Variants in ANAPC11 observed in about 807,000 individuals in gnomAD.
ANAPC11 encodes the protein anaphase-promoting complex subunit 11.
Under a neutral mutation model 11.8 loss-of-function variants are expected in ANAPC11, and 5 were observed. The ratio of observed to expected loss-of-function variants is 0.42; its 90% confidence interval spans 0.22 to 0.89. ANAPC11 has a LOEUF of 0.89. Ranked by LOEUF, ANAPC11 falls within the 40% of genes least tolerant of loss-of-function variation. The pLI, the probability that ANAPC11 is intolerant of heterozygous loss-of-function variation, is 0.28. For missense variants in ANAPC11, 68 were observed against 112.9 expected (o/e 0.60, Z 1.80); for synonymous variants, 45 against 41.0 (o/e 1.10, Z -0.38).
intron 3 of ANAPC11, among the ~76,000 whole-genome samples, chr17:81,896,339 T>C (rs1198848684): frequency 2.0e-5 from 3 of 152,122 alleles, no homozygotes; most frequent in Admixed American, 1.3e-4. Context: ...AAAGAATCGC[T>C]TGAACCTGGG....
At chr17:81,892,449 A>G (rs1000144064) in intron 1 of ANAPC11, among the ~76,000 whole-genome samples, 45 of 151,238 alleles carry the variant, frequency 3.0e-4, no homozygotes, top group Admixed American at 2.8e-3. Context: ...AGCCTGGGCG[A>G]CAGAGCCAGA....
chr17:81,894,695 G>A (rs977374742), intron 3 of ANAPC11, 109 bp downstream of exon 3: 4 of 502,924 alleles, frequency 8.0e-6, no homozygotes, highest in African/African-American at 2.0e-5. Flanking sequence ...ATACCTGCAC[G>A]AAATACCCAG....
chr17:81,896,422 C>T (rs1303041384), intron 3 of ANAPC11, among the ~76,000 whole-genome samples: 4 of 149,406 alleles, frequency 2.7e-5, no homozygotes, highest in Non-Finnish European at 5.9e-5. Flanking sequence ...AACTCCATCT[C>T]AAAAAAAAAG....
chr17:81,895,078 G>C (rs554911289), intron 3 of ANAPC11, among the ~76,000 whole-genome samples: 172 of 121,234 alleles, frequency 1.4e-3, no homozygotes, highest in Non-Finnish European at 2.3e-3. Flanking sequence ...TTTTGAGATG[G>C]AGTTTCACTC....
downstream of ANAPC11, chr17:81,900,257 T>G (rs2039897837): frequency 3.6e-6 from 3 of 837,874 alleles, no homozygotes; most frequent in Non-Finnish European, 5.4e-6. Flanking sequence ...CAAATCTTGC[T>G]GGAGGCCTCT....
At chr17:81,897,290 C>T (rs888724760) in intron 3 of ANAPC11, among the ~76,000 whole-genome samples, 1 of 152,084 alleles carries the variant, frequency 6.6e-6, no homozygotes, top group Non-Finnish European at 1.5e-5. Context: ...TGAGCCACTG[C>T]GCCCAGCCCT....
upstream of ANAPC11, chr17:81,890,982 GCCGCACGGT>G: frequency 9.1e-7 from 1 of 1,098,522 alleles, no homozygotes; most frequent in Non-Finnish European, 1.3e-6. Context: ...CCAGCCCGAG[GCCGCACGGT>G]CCCACCGCGG....
At chr17:81,891,922 C>T (rs977146946) in intron 1 of ANAPC11, 81 bp downstream of exon 1, 2 of 177,814 alleles carry the variant, frequency 1.1e-5, no homozygotes, top group African/African-American at 4.8e-5. Flanking sequence ...CGCGCCCCTC[C>T]CTCCCCGCAC....
intron 3 of ANAPC11, 60 bp from the exon 4 acceptor site, chr17:81,899,860 G>A (rs1598305800): frequency 6.5e-7 from 1 of 1,542,818 alleles, no homozygotes; most frequent in East Asian, 2.3e-5. Flanking sequence ...TGCCTGGCTT[G>A]TCACATGCTC....
chr17:81,898,319 C>T (rs1447255349), intron 3 of ANAPC11: 2 of 152,260 alleles, frequency 1.3e-5, no homozygotes, highest in Non-Finnish European at 2.9e-5. Context: ...CCCCAAGTGA[C>T]TGCAGTGGTG....
At chr17:81,891,450 C>T, upstream of ANAPC11, 7 of 1,026,682 alleles carry the variant, frequency 6.8e-6, no homozygotes, top group Non-Finnish European at 8.1e-6. Context: ...ACCGCCGCGG[C>T]CGCCCTGGGA....
At chr17:81,894,435 T>G (rs1429509073) in intron 2 of ANAPC11, 32 bp from the exon 3 acceptor site, 1 of 1,375,512 alleles carries the variant, frequency 7.3e-7, no homozygotes, top group Non-Finnish European at 1.0e-6. Flanking sequence ...GCAGACTCAA[T>G]TTAGCCAGTC....
Position 81,899,917 on chromosome 17 carries a change from T to C in ANAPC11, c.110-3T>C. The stretch of plus-strand genomic sequence containing the variant: ...TGTCCTTTTCCCCACCTCCCCTCCG[T>C]AGGCAAGGTGCCCGGCGACGACTGC... On this transcript the variant is annotated splice_region_variant and splice_polypyrimidine_tract_variant and intron_variant, in intron 3 of 3. Coordinates refer to ENST00000344877, the MANE Select transcript of ANAPC11 (RefSeq NM_001002248.3). 1 of 1,606,848 alleles carries C rather than the reference T, an allele frequency of 6.2e-7. No individual in the cohort carries two copies. The highest frequency in any genetic ancestry group is 8.5e-7 in the Non-Finnish European group (1 of 1,175,222).
At position 81,894,555 on chromosome 17, in the gene ANAPC11, C is replaced by T; in HGVS notation, c.78C>T (p.Cys26=). The T allele has an allele frequency of 6.2e-7, 1 of 1,611,818 alleles. No individual in the cohort carries two copies. The highest frequency in any genetic ancestry group is 8.5e-7 in the Non-Finnish European group (1 of 1,178,552). The part of the protein sequence containing the change: ...WVANDENCGI[C]RMAFNGCCPD... ...CCAACGATGAGAACTGTGGCATCTGCAGGATGGCATTTAACGGATGCTGCC... is the reference window on the plus strand; with the variant it reads ...CCAACGATGAGAACTGTGGCATCTGTAGGATGGCATTTAACGGATGCTGCC... The change falls in exon 3 of 4, where the codon TGC becomes TGT. Residue 26 remains cysteine, a synonymous_variant. Transcript: ENST00000344877.
At chr17:81,896,798 CTTTTTTTTTTTTT>C (rs1156391578) in intron 3 of ANAPC11, among the ~76,000 whole-genome samples, 1 of 42,912 alleles carries the variant, frequency 2.3e-5, no homozygotes. Flanking sequence ...GCCTCCTTTG[CTTTTTTTTTTTTT>C]TTTTTTTTTT....
chr17:81,891,843 T>A lies in ANAPC11; in HGVS notation c.-75+2T>A. On this transcript the variant is annotated splice_donor_variant, in intron 1 of 3. Coordinates refer to ENST00000344877, the MANE Select transcript of ANAPC11 (RefSeq NM_001002248.3). LOFTEE classifies it low-confidence loss of function (5UTR_SPLICE). ...GCCAACGGAAGGGCGGGTAGGGCGG[T>A]GCGTGATTAGGTTGGCGAAGGTGCG... The A allele has an allele frequency of 1.4e-5, 3 of 208,332 alleles. No individual in the cohort carries two copies. In the South Asian group the frequency reaches 2.0e-4, roughly 14 times the overall value. The allele number at this position is 208,332 out of a possible 1,614,324, so 12.9% of individuals were successfully genotyped here. A position where few individuals can be genotyped will look rare whatever the true frequency, so the allele number is the denominator to read the frequency against.
chr17:81,893,812 G>T (rs1460980360), intron 2 of ANAPC11, among the ~76,000 whole-genome samples, 198 bp downstream of exon 2: 2 of 143,284 alleles, frequency 1.4e-5, no homozygotes, highest in Non-Finnish European at 3.0e-5. Context: ...ACACAGGCTG[G>T]TCTCAAACTC....
At position 81,899,263 on chromosome 17, in the gene ANAPC11, T is replaced by C. The variant is rs142854740; in HGVS notation, c.110-657T>C. The C allele has an allele frequency of 6.2e-6, 10 of 1,611,980 alleles. No individual in the cohort carries two copies. In the African/African-American group the frequency reaches 1.1e-4, roughly 17 times the overall value. On this transcript the variant is annotated intron_variant, in intron 3 of 3. Transcript: ENST00000344877. ...TCAGGTCCTCTCCATGGAGAAAGCA[T>C]TTCTAGGTGTTTGGGCTGGTGCCCG...
chr17:81,894,280 T>G (rs1321443277), intron 2 of ANAPC11, 187 bp from the exon 3 acceptor site: 1 of 391,832 alleles, frequency 2.6e-6, no homozygotes, highest in Admixed American at 4.4e-5. Flanking sequence ...AAAAGTAAAA[T>G]AAAATAGAAA....
Sources: allele counts gnomAD v4.1 joint callset (sites outside exome capture counted in the v4.1 genomes callset), GRCh38; gene constraint gnomAD v4.1.1; transcripts MANE v1.5; gene names NCBI Gene and HGNC (gene_info 2026-07-23, HGNC 2026-07-21).